The following PTPRG variants were observed in gnomAD, a reference collection of about 807,000 sequenced individuals.
The protein encoded by PTPRG is receptor-type tyrosine-protein phosphatase gamma.
In PTPRG, 102 loss-of-function variants were observed where a neutral mutation model predicts 165.3. That is an observed-to-expected ratio of 0.62 (90% confidence interval 0.53 to 0.73). The LOEUF (loss-of-function observed/expected upper bound fraction) is 0.73. Ranked by LOEUF, PTPRG falls within the 30% of genes least tolerant of loss-of-function variation. The pLI, the probability that PTPRG is intolerant of heterozygous loss-of-function variation, is 0.00. For synonymous variants in PTPRG, 675 were observed against 669.5 expected (o/e 1.01, Z -0.13); for missense variants, 1,866 against 1,861.4 (o/e 1.00, Z -0.05).
chr3:62,166,961 G>T (rs1407892211), intron 7 of PTPRG, among the ~76,000 whole-genome samples: 2 of 152,042 alleles, frequency 1.3e-5, no homozygotes, highest in East Asian at 3.9e-4. Context: ...GGAATTATAG[G>T]CTTGAGTCAC....
At chr3:62,053,935 G>A (rs75014434) in intron 4 of PTPRG, among the ~76,000 whole-genome samples, 231 of 152,260 alleles carry the variant, frequency 1.5e-3, no homozygotes, top group Non-Finnish European at 2.7e-3. Context: ...ACGGTGAAAT[G>A]TTCAAATATG....
At chr3:61,829,341 ACT>A (rs1355926097) in intron 2 of PTPRG, among the ~76,000 whole-genome samples, 1 of 152,192 alleles carries the variant, frequency 6.6e-6, no homozygotes, top group Non-Finnish European at 1.5e-5. Flanking sequence ...ACAAACGTGC[ACT>A]CTGTTTGTTC....
chr3:61,700,194 A>G (rs940969160), intron 1 of PTPRG, among the ~76,000 whole-genome samples: 3 of 152,226 alleles, frequency 2.0e-5, no homozygotes, highest in Non-Finnish European at 2.9e-5. Flanking sequence ...TTTTCAACCA[A>G]GAAATAAGTC....
Position 61,659,854 on chromosome 3 carries a change from G to GT in PTPRG, c.86-89016dup, listed in dbSNP as rs202135964. Among the ~76,000 whole-genome samples the GT allele has an allele frequency of 5.5e-4, 84 of 152,102 alleles. 1 individual carries two copies. The East Asian group carries it at 0.013, about 24-fold the overall frequency. ...TAAATTTAATTAGAAGAAATGAATG[G>GT]TTTTTTTTAAATAAGGAAAACTAGA... On this transcript the variant is annotated intron_variant, in intron 1 of 29. Coordinates refer to ENST00000474889, the MANE Select transcript of PTPRG (RefSeq NM_002841.4).
At chr3:62,181,487 T>A (rs1054372508) in intron 8 of PTPRG, among the ~76,000 whole-genome samples, 9 of 152,152 alleles carry the variant, frequency 5.9e-5, no homozygotes, top group African/African-American at 2.2e-4. Context: ...TTGTTGAGAT[T>A]TCAGTTCAAA....
At chr3:62,208,271 C>G (rs1036315411) in intron 12 of PTPRG, among the ~76,000 whole-genome samples, 2 of 152,084 alleles carry the variant, frequency 1.3e-5, no homozygotes, top group African/African-American at 4.8e-5. Context: ...GTGGTCCCAT[C>G]CTGAGGAGCC....
At position 62,295,328 on chromosome 3, in the gene PTPRG, A is replaced by AG. The variant is rs1249105890; in HGVS notation, c.*2021_*2022insG. On this transcript the variant is annotated 3_prime_UTR_variant, in exon 30 of 30. Transcript: ENST00000474889. Reference sequence around the variant, plus strand: ...AGCTAGACTCTTTTTTTAGTCAATTAAGTGGGTTGTTTTAGATGTATAGAG... The same window carrying AG: ...AGCTAGACTCTTTTTTTAGTCAATTAGAGTGGGTTGTTTTAGATGTATAGAG... The AG allele has an allele frequency of 3.9e-5, 6 of 152,206 alleles. No homozygotes were observed. In the East Asian group the frequency reaches 1.2e-3, roughly 29 times the overall value. 9.4% of individuals were successfully genotyped at this position (152,206 alleles called of 1,614,324 possible). A position where few individuals can be genotyped will look rare whatever the true frequency, so the allele number is the denominator to read the frequency against.
intron 5 of PTPRG, among the ~76,000 whole-genome samples, chr3:62,121,217 T>C (rs577692480): frequency 6.6e-6 from 1 of 151,984 alleles, no homozygotes; most frequent in East Asian, 1.9e-4. Context: ...CCTCCCAAAG[T>C]GCTGGGATTA....
At chr3:61,854,478 C>T (rs2037047711) in intron 2 of PTPRG, among the ~76,000 whole-genome samples, 1 of 152,058 alleles carries the variant, frequency 6.6e-6, no homozygotes, top group Admixed American at 6.6e-5. Flanking sequence ...AACTATGTAC[C>T]CCATTTTGTT....
intron 2 of PTPRG, among the ~76,000 whole-genome samples, chr3:61,835,032 A>AT (rs1340987768): frequency 1.3e-5 from 2 of 152,196 alleles, no homozygotes; most frequent in Admixed American, 1.3e-4. Flanking sequence ...TCTATCTGAA[A>AT]TTCAGCTAGA....
At chr3:61,745,943 TC>T (rs1335305253) in intron 1 of PTPRG, among the ~76,000 whole-genome samples, 18 of 152,182 alleles carry the variant, frequency 1.2e-4, no homozygotes, top group African/African-American at 4.1e-4. Flanking sequence ...GTAAAACTGA[TC>T]CCAGTAAAAA....
At chr3:61,977,730 T>C (rs1334238300) in intron 2 of PTPRG, among the ~76,000 whole-genome samples, 1 of 152,184 alleles carries the variant, frequency 6.6e-6, no homozygotes, top group African/African-American at 2.4e-5. Flanking sequence ...TAATAAGTAG[T>C]AAAAAATTGC....
At chr3:62,136,246 C>T (rs1476101356) in intron 6 of PTPRG, among the ~76,000 whole-genome samples, 1 of 152,134 alleles carries the variant, frequency 6.6e-6, no homozygotes, top group African/African-American at 2.4e-5. Context: ...CTGCCCTCAC[C>T]ATGTATGCAT....
At chr3:62,247,188 A>G (rs1161766562) in intron 15 of PTPRG, among the ~76,000 whole-genome samples, 1 of 152,170 alleles carries the variant, frequency 6.6e-6, no homozygotes, top group Non-Finnish European at 1.5e-5. Context: ...TGGATGAAGA[A>G]ACTGAGGTTC....
intron 1 of PTPRG, among the ~76,000 whole-genome samples, chr3:61,727,490 A>G (rs1170061590): frequency 6.6e-6 from 1 of 152,228 alleles, no homozygotes; most frequent in East Asian, 1.9e-4. Context: ...TATACAAACA[A>G]AATGAATACA....
chr3:61,932,546 C>T (rs2039387205), intron 2 of PTPRG, among the ~76,000 whole-genome samples: 2 of 152,200 alleles, frequency 1.3e-5, no homozygotes, highest in African/African-American at 4.8e-5. Flanking sequence ...TGAGTTCTTA[C>T]TGTGTGCAAG....
intron 1 of PTPRG, among the ~76,000 whole-genome samples, chr3:61,607,399 G>T (rs899239356): frequency 6.6e-6 from 1 of 152,104 alleles, no homozygotes; most frequent in Non-Finnish European, 1.5e-5. Flanking sequence ...TGTTCTTTGG[G>T]ATCCATTAAA....
intron 1 of PTPRG, among the ~76,000 whole-genome samples, chr3:61,637,562 TC>T (rs1427247430): frequency 6.6e-6 from 1 of 152,172 alleles, no homozygotes; most frequent in Non-Finnish European, 1.5e-5. Context: ...CGCTTTCTGT[TC>T]CTTCCAAGGC....
intron 2 of PTPRG, among the ~76,000 whole-genome samples, chr3:61,834,855 A>T (rs1356495839): frequency 6.6e-6 from 1 of 152,100 alleles, no homozygotes; most frequent in South Asian, 2.1e-4. Context: ...GTGAGCTGCC[A>T]ATTTTTTCTC....
Sources: gnomAD v4.1 joint callset for allele counts (sites outside exome capture counted in the v4.1 genomes callset) on GRCh38, gnomAD v4.1.1 for gene constraint, MANE v1.5 for transcripts, NCBI Gene and HGNC (gene_info 2026-07-23, HGNC 2026-07-21) for gene names.